Variants in TRPM3 observed in about 807,000 individuals in gnomAD.
The protein encoded by TRPM3 is long transient receptor potential channel 3.
A neutral mutation model predicts 181.2 loss-of-function variants in TRPM3; 77 were observed. The observed-to-expected ratio is 0.42, with a 90% CI of 0.35 to 0.51. The LOEUF is 0.51. TRPM3 is among the 20% of genes least tolerant of loss of function. The pLI, the probability that TRPM3 is intolerant of heterozygous loss-of-function variation, is 0.01. For missense variants in TRPM3, 1,759 were observed against 2,196.7 expected (o/e 0.80, Z 3.98); for synonymous variants, 745 against 796.4 (o/e 0.94, Z 1.09).
At chr9:71,201,469 T>C (rs1211242855) in intron 1 of TRPM3, among the ~76,000 whole-genome samples, 1 of 152,222 alleles carries the variant, frequency 6.6e-6, no homozygotes, top group Non-Finnish European at 1.5e-5. Flanking sequence ...TGCAGAGTGT[T>C]TTCCAACTTG....
chr9:70,632,555 T>C (rs1460824685), intron 12 of TRPM3, among the ~76,000 whole-genome samples: 5 of 152,222 alleles, frequency 3.3e-5, no homozygotes, highest in Non-Finnish European at 5.9e-5. Context: ...CCCTGTCTTA[T>C]TGGCAGTCTC....
intron 7 of TRPM3, among the ~76,000 whole-genome samples, chr9:70,776,911 T>A (rs1245045489): frequency 6.6e-6 from 1 of 152,162 alleles, no homozygotes; most frequent in Non-Finnish European, 1.5e-5. Flanking sequence ...CATATACAGT[T>A]TCGTGGGCCC....
At chr9:70,785,595 A>C (rs1167574678) in intron 6 of TRPM3, among the ~76,000 whole-genome samples, 1 of 152,194 alleles carries the variant, frequency 6.6e-6, no homozygotes, top group Non-Finnish European at 1.5e-5. Flanking sequence ...TCTCCCTTTT[A>C]CTTCTTTTGC....
At chr9:71,328,933 G>T (rs1449868617) in intron 1 of TRPM3, among the ~76,000 whole-genome samples, 1 of 152,214 alleles carries the variant, frequency 6.6e-6, no homozygotes, top group Non-Finnish European at 1.5e-5. Context: ...TATGGACAAT[G>T]CTGAATGCCT....
chr9:70,886,266 C>A (rs2132763287), intron 1 of TRPM3, among the ~76,000 whole-genome samples: 1 of 152,174 alleles, frequency 6.6e-6, no homozygotes, highest in African/African-American at 2.4e-5. Context: ...AATTAAACCT[C>A]AAATCATCTT....
chr9:70,592,587 G>T (rs73649179), intron 21 of TRPM3, among the ~76,000 whole-genome samples: 1 of 151,904 alleles, frequency 6.6e-6, no homozygotes, highest in Admixed American at 6.6e-5. Flanking sequence ...GGTTTCTATC[G>T]CTTGCATCAA....
At chr9:70,632,577 A>G (rs1159408860) in intron 12 of TRPM3, among the ~76,000 whole-genome samples, 3 of 152,184 alleles carry the variant, frequency 2.0e-5, no homozygotes, top group African/African-American at 7.2e-5. Flanking sequence ...TTTTCCAGGT[A>G]AAAGGATAAA....
rs190409666 is a variant in TRPM3, at chr9:71,242,498, G to C, written c.183+204155C>G. On this transcript the variant is annotated intron_variant, in intron 1 of 24. Coordinates refer to the TRPM3 transcript ENST00000357533. ...AGAATTTAGATTTTGATGCAAAAAC[G>C]CAAGTTGGCTACCTAAAAACTGGAT... Among the ~76,000 whole-genome samples the C allele has an allele frequency of 5.3e-5, 8 of 152,334 alleles. No homozygotes were observed. The East Asian group carries it at 9.6e-4, about 18-fold the overall frequency.
rs144596670 is a variant in TRPM3 at position 71,420,000 on chromosome 9, T to C, written c.183+26653A>G. Among the ~76,000 whole-genome samples, 425 of 152,130 alleles carry C rather than the reference T, an allele frequency of 2.8e-3. 6 individuals are homozygous for C. In the East Asian group the frequency reaches 0.028, roughly 10 times the overall value. Reference sequence around the variant, plus strand: ...TTTTAAATCAAATAATGAATTACATTATTAATAATCAACTAGTCACAGTCC... The same window carrying C: ...TTTTAAATCAAATAATGAATTACATCATTAATAATCAACTAGTCACAGTCC... On this transcript the variant is annotated intron_variant, in intron 1 of 24. Transcript: ENST00000357533.
At chr9:70,974,964 T>C (rs2097288773) in intron 1 of TRPM3, among the ~76,000 whole-genome samples, 1 of 148,660 alleles carries the variant, frequency 6.7e-6, no homozygotes, top group African/African-American at 2.5e-5. Context: ...AACTCCTGGC[T>C]TTAAGCCATC....
intron 6 of TRPM3, among the ~76,000 whole-genome samples, chr9:70,792,452 G>GGA (rs150566546): frequency 1.1e-4 from 16 of 151,418 alleles, no homozygotes; most frequent in Admixed American, 4.0e-4. Context: ...GGGGGAGGAA[G>GGA]GAGAGAGAGA....
At chr9:71,257,853 T>C (rs1408714844) in intron 1 of TRPM3, among the ~76,000 whole-genome samples, 1 of 152,234 alleles carries the variant, frequency 6.6e-6, no homozygotes, top group Non-Finnish European at 1.5e-5. Flanking sequence ...ACTGTTTTGA[T>C]GTTCATCTAG....
chr9:71,006,591 C>T (rs537597613), intron 1 of TRPM3, among the ~76,000 whole-genome samples: 9 of 152,180 alleles, frequency 5.9e-5, no homozygotes, highest in Admixed American at 3.3e-4. Context: ...GACTTTAAGC[C>T]GGGTATGGTG....
At chr9:70,636,689 T>C (rs1422931377) in intron 11 of TRPM3, among the ~76,000 whole-genome samples, 2 of 114,012 alleles carry the variant, frequency 1.8e-5, no homozygotes, top group Admixed American at 2.5e-4. Context: ...AAAATAGTGA[T>C]GGCTTTTTTT....
chr9:71,045,767 C>A (rs914363521), intron 1 of TRPM3, among the ~76,000 whole-genome samples: 1 of 152,174 alleles, frequency 6.6e-6, no homozygotes, highest in East Asian at 1.9e-4. Flanking sequence ...GAAGACTACT[C>A]AATCCGGTGC....
chr9:71,201,392 C>G, intron 1 of TRPM3, among the ~76,000 whole-genome samples: 1 of 152,088 alleles, frequency 6.6e-6, no homozygotes, highest in Non-Finnish European at 1.5e-5. Flanking sequence ...GTGGTGTTCT[C>G]TGTATTTCCT....
chr9:70,575,872 G>C (rs1448860609), intron 22 of TRPM3, among the ~76,000 whole-genome samples: 2 of 152,114 alleles, frequency 1.3e-5, no homozygotes, highest in Non-Finnish European at 2.9e-5. Context: ...ACCCACACCA[G>C]GCACTCCATA....
chr9:71,113,796 G>C (rs142511854), intron 1 of TRPM3, among the ~76,000 whole-genome samples: 2 of 152,156 alleles, frequency 1.3e-5, no homozygotes, highest in African/African-American at 4.8e-5. Context: ...CTGAGGCCTG[G>C]TCATGCCAGA....
At chr9:70,591,252 G>A in intron 21 of TRPM3, 47 bp from the exon 22 acceptor site, 2 of 1,526,120 alleles carry the variant, frequency 1.3e-6, no homozygotes, top group Non-Finnish European at 1.8e-6. Flanking sequence ...AAACCCATAT[G>A]ATTGAGTGTT....
Sources: gnomAD v4.1 joint callset for allele counts (sites outside exome capture counted in the v4.1 genomes callset) on GRCh38, gnomAD v4.1.1 for gene constraint, MANE v1.5 for transcripts, NCBI Gene and HGNC (gene_info 2026-07-23, HGNC 2026-07-21) for gene names.